The following FARP1 variants were observed in gnomAD, a reference collection of about 807,000 sequenced individuals.
The protein encoded by FARP1 is FERM, ARHGEF and pleckstrin domain-containing protein 1.
FARP1 carries 52 observed loss-of-function variants against 128.8 expected under a neutral mutation model. The ratio of observed to expected loss-of-function variants is 0.40; its 90% confidence interval spans 0.32 to 0.51. FARP1 has a LOEUF of 0.51. Ranked by LOEUF, FARP1 falls within the 20% of genes least tolerant of loss-of-function variation. The pLI is 0.45. For synonymous variants in FARP1, 580 were observed against 551.8 expected (o/e 1.05, Z -0.72); for missense variants, 1,333 against 1,367.9 (o/e 0.97, Z 0.40).
At chr13:98,440,525 G>A (rs149437546) in intron 23 of FARP1, 145 bp from the exon 24 acceptor site, 5 of 748,866 alleles carry the variant, frequency 6.7e-6, no homozygotes, top group Middle Eastern at 7.0e-4. Flanking sequence ...GAGCTGCAGG[G>A]TCCATCGAGG....
At chr13:98,238,607 G>T (rs1182825776) in intron 2 of FARP1, among the ~76,000 whole-genome samples, 1 of 152,116 alleles carries the variant, frequency 6.6e-6, no homozygotes, top group Admixed American at 6.6e-5. Context: ...GAGAGAGTGT[G>T]CAGGGAAACT....
At chr13:98,195,593 G>T (rs1879522554) in intron 1 of FARP1, among the ~76,000 whole-genome samples, 1 of 152,186 alleles carries the variant, frequency 6.6e-6, no homozygotes, top group African/African-American at 2.4e-5. Flanking sequence ...GGAGGGCAGT[G>T]GGTGCCATAG....
chr13:98,439,866 C>T, intron 21 of FARP1, 95 bp from the exon 22 acceptor site: 1 of 882,460 alleles, frequency 1.1e-6, no homozygotes, highest in East Asian at 2.4e-5. Context: ...TGCTCAGGGG[C>T]ACCCCTCCTT....
chr13:98,364,666 A>G (rs1353091182), intron 3 of FARP1, among the ~76,000 whole-genome samples: 1 of 152,256 alleles, frequency 6.6e-6, no homozygotes, highest in African/African-American at 2.4e-5. Context: ...AAAAAAACAC[A>G]TGAAATGGGA....
intron 1 of FARP1, among the ~76,000 whole-genome samples, chr13:98,209,472 ATTTTTTTTTT>A (rs534634730): frequency 4.7e-5 from 5 of 106,484 alleles, no homozygotes; most frequent in South Asian, 3.5e-4. Flanking sequence ...GGGAGGAAAG[ATTTTTTTTTT>A]TTTTTTTTTT....
At chr13:98,448,162 G>A (rs1566330833) in intron 26 of FARP1, 74 bp from the exon 27 acceptor site, 5 of 1,294,740 alleles carry the variant, frequency 3.9e-6, no homozygotes, top group Middle Eastern at 2.4e-4. Flanking sequence ...TTGTGTTTCT[G>A]TAAGCGATGC....
rs746373395 is a variant in FARP1, at chr13:98,295,046, TACACACACACACACAC to T, written c.172-48672_172-48657del. ...AAAAAAAAATTATATATATATATAT[TACACACACACACACAC>T]ACACACACACACACACACACACACA... is the stretch of plus-strand genomic sequence containing the variant. On this transcript the variant is annotated intron_variant, in intron 2 of 26. Transcript: ENST00000319562. 5.5e-3 allele frequency among the ~76,000 whole-genome samples: 591 copies of T among 108,372 alleles called. 6 individuals carry two copies. Among genetic ancestry groups the T allele is most frequent in the African/African-American group, 0.012 (339 of 27,770 alleles). The allele number at this position is 108,372 out of a possible 152,430, so 71.1% of individuals were successfully genotyped here. A position where few individuals can be genotyped will look rare whatever the true frequency, so the allele number is the denominator to read the frequency against.
intron 2 of FARP1, among the ~76,000 whole-genome samples, chr13:98,222,455 G>A (rs1337113268): frequency 6.6e-6 from 1 of 152,124 alleles, no homozygotes; most frequent in East Asian, 1.9e-4. Context: ...GTGACTTGGC[G>A]CGGGTCAGAG....
chr13:98,150,232 T>C (rs1160160079), intron 1 of FARP1, among the ~76,000 whole-genome samples: 2 of 152,080 alleles, frequency 1.3e-5, no homozygotes, highest in African/African-American at 4.8e-5. Flanking sequence ...GGTTTCACCA[T>C]GTTGGCCAAG....
chr13:98,210,650 C>T (rs1055594188), intron 1 of FARP1, among the ~76,000 whole-genome samples: 13 of 151,704 alleles, frequency 8.6e-5, no homozygotes, highest in South Asian at 2.1e-4. Flanking sequence ...TCCGGGTTCA[C>T]GCCATTCTCC....
rs201836486 is a variant in FARP1 at position 98,388,423 on chromosome 13, G to A, written c.800G>A (p.Arg267Gln). The change falls in exon 9 of 27, where the codon CGG (arginine) becomes CAG (glutamine). Residue 267 changes from arginine (R) to glutamine (Q), a missense_variant. Around this residue, in one of 2 missense-constraint regions of FARP1, gnomAD observed 324 missense variants for 398.1 expected, o/e 0.81. Coordinates refer to ENST00000319562, the MANE Select transcript of FARP1 (RefSeq NM_005766.4). ...AATGCCTTCAACTGGGCCAAGGTGCGGAAGCTGAGCTTCAAGAGGAAGCGC... is the reference window on the plus strand; with the variant it reads ...AATGCCTTCAACTGGGCCAAGGTGCAGAAGCTGAGCTTCAAGAGGAAGCGC... ...KINAFNWAKV[R>Q]KLSFKRKRFL... 17 of 1,614,062 alleles carry A rather than the reference G, an allele frequency of 1.1e-5. No individual in the cohort carries two copies. The highest frequency in any genetic ancestry group is 5.3e-5 in the African/African-American group (4 of 75,040).
chr13:98,222,062 T>C (rs1446828707), intron 2 of FARP1, among the ~76,000 whole-genome samples: 2 of 152,234 alleles, frequency 1.3e-5, no homozygotes, highest in Non-Finnish European at 2.9e-5. Flanking sequence ...TTCTCTTCTG[T>C]AGATAGAATG....
chr13:98,393,574 C>A, intron 11 of FARP1, 69 bp from the exon 12 acceptor site: 1 of 1,279,168 alleles, frequency 7.8e-7, no homozygotes, highest in Non-Finnish European at 1.1e-6. Flanking sequence ...ACTTTTGTTT[C>A]ATTTAAAACC....
intron 2 of FARP1, among the ~76,000 whole-genome samples, chr13:98,253,997 T>C (rs1883473524): frequency 6.6e-6 from 1 of 152,212 alleles, no homozygotes; most frequent in African/African-American, 2.4e-5. Context: ...CGCATAGTTA[T>C]ATACAGCTTT....
chr13:98,165,679 T>TAA (rs140355132), intron 1 of FARP1, among the ~76,000 whole-genome samples: 1 of 113,602 alleles, frequency 8.8e-6, no homozygotes, highest in African/African-American at 3.4e-5. Context: ...CTCTCATCAT[T>TAA]AAAAAAAAAA....
intron 16 of FARP1, among the ~76,000 whole-genome samples, chr13:98,419,661 A>C (rs945520772): frequency 1.3e-5 from 2 of 152,120 alleles, no homozygotes; most frequent in South Asian, 2.1e-4. Context: ...ACATAATTTC[A>C]TACTTTTTTC....
At chr13:98,244,411 TTTA>T (rs555026377) in intron 2 of FARP1, 1 of 1,318,552 alleles carries the variant, frequency 7.6e-7, no homozygotes, top group Non-Finnish European at 1.0e-6. Flanking sequence ...GCTGTGTCTC[TTTA>T]TTGTTACTGT....
At chr13:98,412,758 C>G (rs1477615866) in intron 16 of FARP1, among the ~76,000 whole-genome samples, 1 of 152,132 alleles carries the variant, frequency 6.6e-6, no homozygotes, top group Non-Finnish European at 1.5e-5. Flanking sequence ...ACACCTTTAC[C>G]TAAAATAGAA....
intron 8 of FARP1, 115 bp from the exon 9 acceptor site, chr13:98,388,268 C>G (rs535616948): frequency 4.2e-6 from 3 of 719,396 alleles, no homozygotes; most frequent in Non-Finnish European, 7.6e-6. Context: ...AAAGTCATCT[C>G]TACTGAGCAG....
Sources: gnomAD v4.1 joint callset for allele counts (sites outside exome capture counted in the v4.1 genomes callset) on GRCh38, gnomAD v4.1.1 for gene constraint, gnomAD v4.1.1 regional missense constraint, MANE v1.5 for transcripts, NCBI Gene and HGNC (gene_info 2026-07-23, HGNC 2026-07-21) for gene names.